MLLT10: variants seen among roughly 807,000 people sequenced by gnomAD.
The protein encoded by MLLT10 is protein AF-10.
Under a neutral mutation model 129.1 loss-of-function variants are expected in MLLT10, and 30 were observed. The observed-to-expected ratio is 0.23, with a 90% CI of 0.17 to 0.32. The LOEUF is 0.32. Ranked by LOEUF, MLLT10 falls within the 10% of genes least tolerant of loss-of-function variation. The pLI, the probability that MLLT10 is intolerant of heterozygous loss-of-function variation, is 1.00. For synonymous variants in MLLT10, 490 were observed against 446.4 expected, an observed-to-expected ratio of 1.10 and a Z score of -1.23; for missense variants, 1,119 against 1,268.3, an observed-to-expected ratio of 0.88 and a Z score of 1.79.
intron 3 of MLLT10, among the ~76,000 whole-genome samples, chr10:21,578,992 T>A (rs73592586): frequency 0.015 from 2,317 of 152,326 alleles, 58 homozygotes; most frequent in African/African-American, 0.053. Flanking sequence ...TTTTCTAGCA[T>A]CATTTGTCTT....
At chr10:21,612,255 T>C in intron 5 of MLLT10, 93 bp from the exon 6 acceptor site, 1 of 681,724 alleles carries the variant, frequency 1.5e-6, no homozygotes, top group Non-Finnish European at 2.5e-6. Context: ...GGTTACTTAG[T>C]ATACCTGATC....
chr10:21,729,193 A>G (rs1233701792), intron 16 of MLLT10, among the ~76,000 whole-genome samples: 1 of 152,120 alleles, frequency 6.6e-6, no homozygotes. Flanking sequence ...GATTAATTCT[A>G]TGTTGTTTTT....
At chr10:21,601,110 CTTTTG>C (rs1160407049) in intron 5 of MLLT10, among the ~76,000 whole-genome samples, 1 of 152,004 alleles carries the variant, frequency 6.6e-6, no homozygotes, top group Non-Finnish European at 1.5e-5. Flanking sequence ...TGTCTGGCTA[CTTTTG>C]TTTTATTTTT....
intron 3 of MLLT10, among the ~76,000 whole-genome samples, chr10:21,549,309 G>T (rs1045911747): frequency 8.6e-5 from 13 of 152,028 alleles, no homozygotes; most frequent in African/African-American, 2.9e-4. Context: ...ATTTTTAGTA[G>T]AGATGGGGTT....
chr10:21,662,052 A>T (rs2050265076), intron 9 of MLLT10, among the ~76,000 whole-genome samples: 2 of 147,836 alleles, frequency 1.4e-5, no homozygotes, highest in African/African-American at 2.5e-5. Context: ...GTTTTATTTC[A>T]CTGTCTGCTT....
In MLLT10 at chr10:21,595,444, C is replaced by T. The variant is rs758301994; in HGVS notation, c.405+4C>T. ...TCCGCATGATCGTTATAATAAGGTA[C>T]AGTGGATATTATTTTATTACTGTTT... On this transcript the variant is annotated splice_donor_region_variant and intron_variant, in intron 5 of 22. Transcript: ENST00000307729. 160 of 1,597,258 alleles carry T rather than the reference C, an allele frequency of 1.0e-4. No individual in the cohort carries two copies. Among genetic ancestry groups the T allele is most frequent in the East Asian group, 6.7e-4 (30 of 44,732 alleles).
In MLLT10 at chr10:21,692,774, G is replaced by A. The variant is rs145578138; in HGVS notation, c.1699+10517G>A. Among the ~76,000 whole-genome samples the A allele has an allele frequency of 2.7e-3, 408 of 151,944 alleles. 3 individuals carry two copies. Among genetic ancestry groups the A allele is most frequent in the African/African-American group, 9.5e-3 (393 of 41,452 alleles). ...AGTGCTGGGATTACAGGCATGAGCC[G>A]CCACACCTGGCCATAATGGTTATAT... On this transcript the variant is annotated intron_variant, in intron 13 of 22. Coordinates refer to ENST00000307729, the MANE Select transcript of MLLT10 (RefSeq NM_001195626.3).
chr10:21,547,103 C>T (rs749539852), intron 3 of MLLT10, among the ~76,000 whole-genome samples: 6 of 152,040 alleles, frequency 3.9e-5, no homozygotes, highest in Non-Finnish European at 5.9e-5. Flanking sequence ...CTCCTGACCT[C>T]AGGTAATCCT....
intron 16 of MLLT10, 71 bp from the exon 17 acceptor site, chr10:21,730,829 G>A (rs1301676405): frequency 1.9e-6 from 3 of 1,563,196 alleles, no homozygotes; most frequent in African/African-American, 1.4e-5. Flanking sequence ...AAAGGGGTCA[G>A]CTTAAGGTAA....
chr10:21,654,048 T>G (rs2049312787), intron 9 of MLLT10, among the ~76,000 whole-genome samples: 1 of 152,160 alleles, frequency 6.6e-6, no homozygotes, highest in Non-Finnish European at 1.5e-5. Context: ...GAAGCCAAGT[T>G]AAAGAAAGGT....
intron 4 of MLLT10, among the ~76,000 whole-genome samples, chr10:21,586,832 AG>A (rs2042031106): frequency 6.6e-6 from 1 of 151,970 alleles, no homozygotes; most frequent in Non-Finnish European, 1.5e-5. Context: ...GGTTGCAGTG[AG>A]CTGAGATTAT....
intron 11 of MLLT10, among the ~76,000 whole-genome samples, chr10:21,676,474 A>T (rs1222980477): frequency 6.7e-6 from 1 of 150,364 alleles, no homozygotes; most frequent in Non-Finnish European, 1.5e-5. Context: ...TAATCCCAGT[A>T]CTTTGGGAGG....
At chr10:21,570,010 A>G (rs1233820047) in intron 3 of MLLT10, among the ~76,000 whole-genome samples, 1 of 152,134 alleles carries the variant, frequency 6.6e-6, no homozygotes, top group East Asian at 1.9e-4. Flanking sequence ...CCTGGCTTCA[A>G]GCAATTCTCC....
At chr10:21,714,275 C>T (rs2056362044) in intron 14 of MLLT10, among the ~76,000 whole-genome samples, 1 of 151,966 alleles carries the variant, frequency 6.6e-6, no homozygotes, top group Non-Finnish European at 1.5e-5. Context: ...GTTTTGGACT[C>T]TTGTGATTTT....
chr10:21,598,542 G>A (rs917284876), intron 5 of MLLT10, among the ~76,000 whole-genome samples: 1 of 152,088 alleles, frequency 6.6e-6, no homozygotes, highest in African/African-American at 2.4e-5. Context: ...GTATTCCTAC[G>A]GAGATACATA....
At chr10:21,603,632 A>G (rs2043774724) in intron 5 of MLLT10, among the ~76,000 whole-genome samples, 1 of 152,180 alleles carries the variant, frequency 6.6e-6, no homozygotes, top group Non-Finnish European at 1.5e-5. Flanking sequence ...CCCCTGTAGT[A>G]GGGCTGCTGT....
chr10:21,577,723 A>G (rs1359951001), intron 3 of MLLT10, among the ~76,000 whole-genome samples: 2 of 151,552 alleles, frequency 1.3e-5, no homozygotes, highest in Non-Finnish European at 2.9e-5. Flanking sequence ...CGCCCACATT[A>G]GCCTCCCAAA....
At chr10:21,565,089 C>T (rs1461473198) in intron 3 of MLLT10, among the ~76,000 whole-genome samples, 2 of 152,028 alleles carry the variant, frequency 1.3e-5, no homozygotes, top group African/African-American at 4.8e-5. Context: ...GTTATGTCCT[C>T]TTGGTGGATT....
intron 3 of MLLT10, among the ~76,000 whole-genome samples, chr10:21,550,431 T>A (rs752900611): frequency 3.3e-5 from 5 of 152,240 alleles, no homozygotes. Flanking sequence ...TTTCTCCATA[T>A]CTTTAGTCTA....
Sources: gnomAD v4.1 joint callset for allele counts (sites outside exome capture counted in the v4.1 genomes callset) on GRCh38, gnomAD v4.1.1 for gene constraint, MANE v1.5 for transcripts, NCBI Gene and HGNC (gene_info 2026-07-23, HGNC 2026-07-21) for gene names.